Variants in RNF13 observed in about 807,000 individuals in gnomAD.
The protein encoded by RNF13 is ring finger protein 13.
Under a neutral mutation model 37.7 loss-of-function variants are expected in RNF13, and 19 were observed. That is an observed-to-expected ratio of 0.50 (90% CI 0.35 to 0.74). The LOEUF is 0.74. Ranked by LOEUF, RNF13 falls within the 30% of genes least tolerant of loss-of-function variation. The pLI is 0.01. For missense variants in RNF13, 375 were observed against 453.0 expected, an observed-to-expected ratio of 0.83 and a Z score of 1.56; for synonymous variants, 144 against 157.8, an observed-to-expected ratio of 0.91 and a Z score of 0.65.
chr3:149,952,739 A>G (rs1347599969), intron 8 of RNF13, among the ~76,000 whole-genome samples: 3 of 152,080 alleles, frequency 2.0e-5, no homozygotes, highest in Non-Finnish European at 4.4e-5. Flanking sequence ...AGCTGGGATT[A>G]CAGGCATGCG....
At chr3:149,903,473 C>T (rs182836389) in intron 6 of RNF13, among the ~76,000 whole-genome samples, 72 of 152,064 alleles carry the variant, frequency 4.7e-4, no homozygotes, top group African/African-American at 1.7e-3. Flanking sequence ...GACACTATTG[C>T]TTACCAACTA....
At position 149,912,673 on chromosome 3, in the gene RNF13, A is replaced by G. The variant is rs995271599; in HGVS notation, c.606+590A>G. Among the ~76,000 whole-genome samples the G allele has an allele frequency of 2.6e-5, 4 of 152,162 alleles. No homozygotes were observed. The South Asian group carries it at 8.3e-4, about 32-fold the overall frequency. On this transcript the variant is annotated intron_variant, in intron 7 of 9. Transcript: ENST00000392894. ...ATATGGGTATTTATTATAAAATTCA[A>G]CTCTTCTGTATGTTTGAAATTTTTT...
intron 3 of RNF13, among the ~76,000 whole-genome samples, chr3:149,861,826 G>T (rs1369429515): frequency 2.0e-5 from 3 of 152,084 alleles, no homozygotes; most frequent in Non-Finnish European, 4.4e-5. Flanking sequence ...AATACTCAAG[G>T]TAATAGGTTC....
rs1176033959 is a variant in RNF13 at position 149,898,298 on chromosome 3, AT to A, written c.409+2748del. On this transcript the variant is annotated intron_variant, in intron 5 of 9. Transcript: ENST00000392894. ...GTCAAGTTGTTAATATCTCTGGGTCATTTTTTTTTTCCTTTTTTTCTTTGAT... is the reference window on the plus strand; with the variant it reads ...GTCAAGTTGTTAATATCTCTGGGTCATTTTTTTTTCCTTTTTTTCTTTGAT... 2.0e-3 allele frequency among the ~76,000 whole-genome samples: 292 copies of A among 149,290 alleles called. 1 individual carries two copies. The highest frequency in any genetic ancestry group is 6.3e-3 in the African/African-American group (255 of 40,656).
chr3:149,949,950 T>C (rs1454965281), intron 8 of RNF13, among the ~76,000 whole-genome samples: 1 of 152,108 alleles, frequency 6.6e-6, no homozygotes, highest in Non-Finnish European at 1.5e-5. Context: ...TCTGTAGTTG[T>C]TCCATATTCT....
At chr3:149,838,614 C>T (rs895205750) in intron 1 of RNF13, among the ~76,000 whole-genome samples, 1 of 152,186 alleles carries the variant, frequency 6.6e-6, no homozygotes, top group Admixed American at 6.5e-5. Flanking sequence ...GGCTGGGATG[C>T]AGGGCACCAA....
rs545186920 is a variant in RNF13, at chr3:149,960,358, G to A, written c.781+222G>A. Among the ~76,000 whole-genome samples, 13 of 152,206 alleles carry A rather than the reference G, an allele frequency of 8.5e-5. No individual in the cohort carries two copies. The South Asian group carries it at 1.5e-3, about 17-fold the overall frequency. On this transcript the variant is annotated intron_variant, in intron 9 of 9. Coordinates refer to ENST00000392894, the MANE Select transcript of RNF13 (RefSeq NM_183381.3). ...TGTAATCCCAGCACTTTGGGAGGCC[G>A]AGGCAGGCAGATCATGAGGTCAGGA...
intron 1 of RNF13, among the ~76,000 whole-genome samples, chr3:149,833,118 C>CTCTT (rs1306537184): frequency 6.3e-5 from 7 of 111,872 alleles, no homozygotes; most frequent in African/African-American, 1.4e-4. Flanking sequence ...CTCTCTCTCT[C>CTCTT]TTTTTTTTTT....
At chr3:149,909,500 A>G in intron 6 of RNF13, among the ~76,000 whole-genome samples, 1 of 136,850 alleles carries the variant, frequency 7.3e-6, no homozygotes, top group East Asian at 2.1e-4. Context: ...CATGTTGGCC[A>G]GGCTAGTCTC....
intron 1 of RNF13, among the ~76,000 whole-genome samples, chr3:149,822,015 T>C (rs1398925515): frequency 2.0e-5 from 3 of 152,312 alleles, no homozygotes; most frequent in East Asian, 3.9e-4. Flanking sequence ...TCTATCACTA[T>C]GCCAGTGCCA....
intron 1 of RNF13, among the ~76,000 whole-genome samples, chr3:149,835,111 A>G (rs374675152): frequency 1.3e-5 from 2 of 152,322 alleles, no homozygotes; most frequent in East Asian, 3.9e-4. Context: ...GGAATTGTCA[A>G]TAATTTCTTG....
At chr3:149,904,493 A>G (rs1223915508) in intron 6 of RNF13, among the ~76,000 whole-genome samples, 1 of 151,890 alleles carries the variant, frequency 6.6e-6, no homozygotes, top group Non-Finnish European at 1.5e-5. Context: ...CAATCCTCCT[A>G]CCTTAGCCTC....
At chr3:149,858,319 G>A (rs760608297) in intron 3 of RNF13, among the ~76,000 whole-genome samples, 3 of 152,264 alleles carry the variant, frequency 2.0e-5, no homozygotes, top group African/African-American at 7.2e-5. Flanking sequence ...AGCAAGCAAG[G>A]TCTCTTGCTA....
intron 1 of RNF13, among the ~76,000 whole-genome samples, chr3:149,843,580 C>T (rs2108368987): frequency 1.3e-5 from 2 of 152,326 alleles, no homozygotes; most frequent in Middle Eastern, 6.8e-3. Context: ...CACACATACA[C>T]TGTCATATAC....
chr3:149,853,474 G>C (rs770829769), intron 3 of RNF13, among the ~76,000 whole-genome samples: 3,962 of 150,700 alleles, frequency 0.026, 69 homozygotes, highest in South Asian at 0.036. Context: ...GAGAGAGAGA[G>C]AGAGAGAGAG....
chr3:149,960,391 A>T (rs1015352028), intron 9 of RNF13, among the ~76,000 whole-genome samples: 4 of 152,106 alleles, frequency 2.6e-5, no homozygotes, highest in African/African-American at 9.7e-5. Flanking sequence ...GGAGATCGAG[A>T]CCATCCTGGC....
intron 1 of RNF13, among the ~76,000 whole-genome samples, chr3:149,844,831 TTTTAGTATA>T (rs1372293595): frequency 2.6e-5 from 4 of 152,128 alleles, no homozygotes; most frequent in African/African-American, 9.7e-5. Flanking sequence ...ATGCAGTGAT[TTTTAGTATA>T]TTTATAGAGT....
At chr3:149,841,341 G>A (rs1722159061) in intron 1 of RNF13, among the ~76,000 whole-genome samples, 1 of 152,178 alleles carries the variant, frequency 6.6e-6, no homozygotes, top group South Asian at 2.1e-4. Context: ...AAACCTATGT[G>A]CTTATTTGAG....
intron 3 of RNF13, among the ~76,000 whole-genome samples, chr3:149,858,691 C>T (rs1341989834): frequency 2.6e-5 from 4 of 152,116 alleles, no homozygotes; most frequent in Non-Finnish European, 4.4e-5. Flanking sequence ...TCATGGGATG[C>T]GGATTTGTCC....
Sources: allele counts gnomAD v4.1 joint callset (sites outside exome capture counted in the v4.1 genomes callset), GRCh38; gene constraint gnomAD v4.1.1; transcripts MANE v1.5; gene names NCBI Gene and HGNC (gene_info 2026-07-23, HGNC 2026-07-21).